RBFOX1: variants seen among roughly 807,000 people sequenced by gnomAD.
RBFOX1 encodes RNA binding protein fox-1 homolog 1.
In RBFOX1, 8 loss-of-function variants were observed where a neutral mutation model predicts 57.7. That is an observed-to-expected ratio of 0.14 (90% CI 0.08 to 0.25). The LOEUF (loss-of-function observed/expected upper bound fraction) is 0.25, where lower values mean the gene tolerates loss of function less well. Among genes scored for constraint, RBFOX1 ranks in the 10% least tolerant of loss-of-function variants. RBFOX1 has a pLI of 1.00. For synonymous variants in RBFOX1, 326 were observed against 222.4 expected, an observed-to-expected ratio of 1.47 and a Z score of -4.15; for missense variants, 611 against 548.5, an observed-to-expected ratio of 1.11 and a Z score of -1.14.
Position 5,644,439 on chromosome 16 carries a change from G to T in RBFOX1, c.318+45478G>T, listed in dbSNP as rs56266094. 4.2e-3 allele frequency among the ~76,000 whole-genome samples: 643 copies of T among 152,296 alleles called. 4 individuals are homozygous for T. The highest frequency in any genetic ancestry group is 0.013 in the African/African-American group (552 of 41,548). On this transcript the variant is annotated intron_variant, in intron 3 of 19. Transcript: ENST00000641259. The stretch of plus-strand genomic sequence containing the variant: ...AATTCTCTAAGTCTGTGTTAAAGGC[G>T]CTTGGGCTCCAGATGGGTTGAAGTT...
intron 4 of RBFOX1, among the ~76,000 whole-genome samples, chr16:7,469,183 C>T (rs577835348): frequency 6.6e-6 from 1 of 152,002 alleles, no homozygotes; most frequent in Non-Finnish European, 1.5e-5. Context: ...ATCTACCCGA[C>T]TTGGCCTCCC....
rs768703708 is a variant in RBFOX1, at chr16:5,599,068, A to C, written c.425A>C (p.Glu142Ala). The change falls in exon 3 of 3, where the codon GAA (glutamate) becomes GCA (alanine). Residue 142 changes from glutamate (E) to alanine (A), a missense_variant. Coordinates refer to the RBFOX1 transcript ENST00000585867. ...AATCACCGGGAATGGTTTTTACCTG[A>C]AACTGATCTTGCTGGAGAATTAACT... 9.9e-5 allele frequency: 101 copies of C among 1,023,296 alleles called. No homozygotes were observed. In the South Asian group the frequency reaches 1.3e-3, roughly 13 times the overall value. 63.4% of individuals were successfully genotyped at this position (1,023,296 alleles called of 1,614,324 possible).
At chr16:5,950,044 G>T (rs1463910581) in intron 4 of RBFOX1, among the ~76,000 whole-genome samples, 2 of 152,212 alleles carry the variant, frequency 1.3e-5, no homozygotes, top group South Asian at 2.1e-4. Flanking sequence ...ACATTTAATT[G>T]CTCTAATCAA....
intron 3 of RBFOX1, among the ~76,000 whole-genome samples, chr16:5,624,201 G>A (rs755798029): frequency 6.6e-6 from 1 of 152,300 alleles, no homozygotes. Context: ...CTGCTACCCA[G>A]AGACTCTTTT....
At chr16:7,633,662 G>C (rs929733632) in intron 11 of RBFOX1, among the ~76,000 whole-genome samples, 2 of 152,200 alleles carry the variant, frequency 1.3e-5, no homozygotes, top group African/African-American at 4.8e-5. Context: ...AGGGCATTCA[G>C]ATGGTCAATC....
intron 14 of RBFOX1, among the ~76,000 whole-genome samples, chr16:7,697,197 C>A (rs1409615391): frequency 2.0e-5 from 3 of 152,088 alleles, no homozygotes; most frequent in Non-Finnish European, 4.4e-5. Context: ...AGAGGGGTGA[C>A]AATGGCTTGG....
At chr16:7,376,346 C>T (rs1349476419) in intron 4 of RBFOX1, among the ~76,000 whole-genome samples, 7 of 152,144 alleles carry the variant, frequency 4.6e-5, no homozygotes, top group Admixed American at 3.9e-4. Context: ...CATTTTATTT[C>T]ATATCGCTAA....
At chr16:7,262,578 G>A (rs936454295) in intron 4 of RBFOX1, among the ~76,000 whole-genome samples, 3 of 152,246 alleles carry the variant, frequency 2.0e-5, no homozygotes, top group Non-Finnish European at 2.9e-5. Context: ...TCCTCATTCT[G>A]GGTCCAGCTT....
At chr16:6,627,067 T>C (rs1382740000) in intron 2 of RBFOX1, among the ~76,000 whole-genome samples, 1 of 152,238 alleles carries the variant, frequency 6.6e-6, no homozygotes, top group African/African-American at 2.4e-5. Flanking sequence ...GTTCTAGTCC[T>C]GGCGGTCTGG....
chr16:5,355,312 A>T (rs1053524025), intron 1 of RBFOX1, among the ~76,000 whole-genome samples: 2 of 152,200 alleles, frequency 1.3e-5, no homozygotes, highest in East Asian at 1.9e-4. Flanking sequence ...GTGTGGCAGG[A>T]CGCAGGGACT....
intron 4 of RBFOX1, among the ~76,000 whole-genome samples, chr16:7,442,748 T>G (rs551801421): frequency 6.6e-6 from 1 of 152,328 alleles, no homozygotes; most frequent in African/African-American, 2.4e-5. Flanking sequence ...GAGAAAGACC[T>G]GGTTGCTAAT....
intron 2 of RBFOX1, among the ~76,000 whole-genome samples, chr16:6,480,170 C>T (rs2095350736): frequency 6.6e-6 from 1 of 151,896 alleles, no homozygotes; most frequent in Admixed American, 6.6e-5. Context: ...TCCTTTTGTT[C>T]TTTTAAGAGA....
intron 3 of RBFOX1, among the ~76,000 whole-genome samples, chr16:6,770,739 A>C (rs2078150824): frequency 6.6e-6 from 1 of 152,144 alleles, no homozygotes; most frequent in Non-Finnish European, 1.5e-5. Context: ...GCTGAGCTGT[A>C]CCTGCTGGAT....
chr16:6,504,396 T>G (rs913433834), intron 2 of RBFOX1, among the ~76,000 whole-genome samples: 1 of 152,244 alleles, frequency 6.6e-6, no homozygotes, highest in Non-Finnish European at 1.5e-5. Context: ...TTTGCTTTTC[T>G]GATTCTGCTG....
At chr16:6,986,741 G>C (rs2090374941) in intron 3 of RBFOX1, among the ~76,000 whole-genome samples, 1 of 151,930 alleles carries the variant, frequency 6.6e-6, no homozygotes, top group African/African-American at 2.4e-5. Context: ...TTCGTGACAA[G>C]AAAGAAGGTG....
chr16:5,706,046 G>C (rs1338880052), intron 3 of RBFOX1, among the ~76,000 whole-genome samples: 1 of 152,180 alleles, frequency 6.6e-6, no homozygotes, highest in Non-Finnish European at 1.5e-5. Context: ...GAGGAGCTGG[G>C]ATTATAGGTG....
intron 2 of RBFOX1, among the ~76,000 whole-genome samples, chr16:6,372,621 A>C (rs1054182386): frequency 6.7e-6 from 1 of 148,950 alleles, no homozygotes; most frequent in Non-Finnish European, 1.5e-5. Flanking sequence ...ATCACTGGGC[A>C]GGAGTTTTGT....
intron 1 of RBFOX1, among the ~76,000 whole-genome samples, chr16:5,377,695 G>A (rs28416680): frequency 2.0e-5 from 3 of 151,462 alleles, no homozygotes; most frequent in African/African-American, 7.4e-5. Context: ...AGAGGTCCCA[G>A]GGGAAGGCGT....
intron 1 of RBFOX1, among the ~76,000 whole-genome samples, chr16:6,128,645 G>A (rs1189979063): frequency 2.0e-5 from 3 of 152,196 alleles, no homozygotes; most frequent in Admixed American, 6.5e-5. Context: ...CACAAAAGAG[G>A]AATATGTGCA....
Sources: allele counts gnomAD v4.1 joint callset (sites outside exome capture counted in the v4.1 genomes callset), GRCh38; gene constraint gnomAD v4.1.1; transcripts MANE v1.5; gene names NCBI Gene and HGNC (gene_info 2026-07-23, HGNC 2026-07-21).